Variants in ZNF440 observed in about 807,000 individuals in gnomAD.
ZNF440 encodes zinc finger protein 440.
Under a neutral mutation model 49.7 loss-of-function variants are expected in ZNF440, and 47 were observed. That is an observed-to-expected ratio of 0.95 (90% confidence interval 0.75 to 1.21). The LOEUF (loss-of-function observed/expected upper bound fraction) is 1.21, where lower values mean the gene tolerates loss of function less well. Among genes scored for constraint, ZNF440 ranks in the 50% most tolerant of loss-of-function variants. The pLI is 0.00. For missense variants in ZNF440, 703 were observed against 715.0 expected (o/e 0.98, Z 0.19); for synonymous variants, 255 against 237.7 (o/e 1.07, Z -0.67).
At chr19:11,823,695 G>A (rs536618438) in intron 1 of ZNF440, among the ~76,000 whole-genome samples, 3 of 152,238 alleles carry the variant, frequency 2.0e-5, no homozygotes, top group African/African-American at 7.2e-5. Flanking sequence ...TGGGCGTGGT[G>A]GCTCATGCCT....
At chr19:11,823,203 C>T (rs982570727) in intron 1 of ZNF440, among the ~76,000 whole-genome samples, 12 of 152,112 alleles carry the variant, frequency 7.9e-5, no homozygotes, top group African/African-American at 2.7e-4. Context: ...TGTGTCTTCT[C>T]ATAAGAGCAC....
At chr19:11,823,358 C>T (rs1369485556) in intron 1 of ZNF440, among the ~76,000 whole-genome samples, 1 of 151,728 alleles carries the variant, frequency 6.6e-6, no homozygotes, top group Non-Finnish European at 1.5e-5. Context: ...GCCGTAACAC[C>T]CCCCCAACCA....
chr19:11,833,832 AAGC>A lies in ZNF440; in HGVS notation c.*871_*873del. On this transcript the variant is annotated 3_prime_UTR_variant, in exon 4 of 4. Transcript: ENST00000304060. ...CACTGGAGAAAAACCCTATGAATGT[AAGC>A]AGTATGGGAAAGCGTTCAGACCTGA... The A allele has an allele frequency of 1.4e-6, 1 of 711,914 alleles. No individual in the cohort carries two copies. The highest frequency in any genetic ancestry group is 2.5e-5 in the South Asian group (1 of 40,804). The allele number at this position is 711,914 out of a possible 1,614,324, so 44.1% of individuals were successfully genotyped here.
intron 1 of ZNF440, among the ~76,000 whole-genome samples, chr19:11,820,409 G>A (rs1248524076): frequency 5.9e-5 from 9 of 151,996 alleles, no homozygotes; most frequent in Non-Finnish European, 1.3e-4. Flanking sequence ...TTGTAGAGAC[G>A]GGGTTTCACC....
At chr19:11,821,112 C>T (rs1349944130) in intron 1 of ZNF440, among the ~76,000 whole-genome samples, 1 of 152,190 alleles carries the variant, frequency 6.6e-6, no homozygotes, top group African/African-American at 2.4e-5. Flanking sequence ...TTGGTTGAGG[C>T]TCCCCTTTGG....
At chr19:11,818,402 C>T (rs1234721298) in intron 1 of ZNF440, among the ~76,000 whole-genome samples, 2 of 152,078 alleles carry the variant, frequency 1.3e-5, no homozygotes, top group Admixed American at 1.3e-4. Context: ...TCTTGTTAGT[C>T]TCAAGATGGA....
At chr19:11,830,833 G>C (rs939289021) in intron 3 of ZNF440, among the ~76,000 whole-genome samples, 156 bp downstream of exon 3, 2 of 152,176 alleles carry the variant, frequency 1.3e-5, no homozygotes, top group African/African-American at 2.4e-5. Flanking sequence ...ATGTGACCTA[G>C]GCTGTGGGCT....
At position 11,824,901 on chromosome 19, in the gene ZNF440, GTT is replaced by G. The variant is rs1338275286; in HGVS notation, c.4-5380_4-5379del. On this transcript the variant is annotated intron_variant, in intron 1 of 3. Coordinates refer to ENST00000304060, the MANE Select transcript of ZNF440 (RefSeq NM_152357.3). The stretch of plus-strand genomic sequence containing the variant: ...TTCTGTATTTTTTAGTAGAGAGAGG[GTT>G]TCACCATATTGACCAGGCTGGTCTC... Among the ~76,000 whole-genome samples the G allele has an allele frequency of 2.6e-5, 4 of 151,990 alleles. No homozygotes were observed. The East Asian group carries it at 7.7e-4, about 29-fold the overall frequency.
chr19:11,820,523 T>C (rs1975786790), intron 1 of ZNF440, among the ~76,000 whole-genome samples: 1 of 152,134 alleles, frequency 6.6e-6, no homozygotes, highest in Admixed American at 6.5e-5. Flanking sequence ...TGCCCGGCCC[T>C]ACACCCTCCT....
chr19:11,824,638 A>G (rs192113438), intron 1 of ZNF440, among the ~76,000 whole-genome samples: 1 of 152,020 alleles, frequency 6.6e-6, no homozygotes, highest in East Asian at 1.9e-4. Flanking sequence ...TGTTTCCCCA[A>G]AACATTGGGC....
At chr19:11,822,897 T>C (rs1475130229) in intron 1 of ZNF440, among the ~76,000 whole-genome samples, 1 of 150,924 alleles carries the variant, frequency 6.6e-6, no homozygotes, top group Non-Finnish European at 1.5e-5. Flanking sequence ...TTTCCATTGG[T>C]CTATCTTTGT....
At chr19:11,814,744 G>A (rs551112325) in intron 1 of ZNF440, among the ~76,000 whole-genome samples, 2 of 152,344 alleles carry the variant, frequency 1.3e-5, no homozygotes, top group East Asian at 3.9e-4. Flanking sequence ...TATGGGGTTT[G>A]TTAGAAACAA....
chr19:11,821,589 G>A (rs1010092444), intron 1 of ZNF440, among the ~76,000 whole-genome samples: 10 of 152,092 alleles, frequency 6.6e-5, no homozygotes, highest in African/African-American at 1.9e-4. Context: ...GGCACACAGG[G>A]GGGTATAGTG....
chr19:11,814,486 A>G, intron 1 of ZNF440, 36 bp downstream of exon 1: 2 of 1,501,496 alleles, frequency 1.3e-6, no homozygotes, highest in Non-Finnish European at 1.8e-6. Context: ...GGCGACTGGG[A>G]GAGGGGCTGG....
chr19:11,829,049 TA>T (rs997013937), intron 1 of ZNF440, among the ~76,000 whole-genome samples: 133 of 152,252 alleles, frequency 8.7e-4, no homozygotes, highest in African/African-American at 3.1e-3. Flanking sequence ...ATTTTGTTTT[TA>T]CATTCAGCCA....
intron 1 of ZNF440, among the ~76,000 whole-genome samples, chr19:11,828,742 T>A (rs543922482): frequency 2.0e-5 from 3 of 151,662 alleles, no homozygotes; most frequent in Admixed American, 1.3e-4. Context: ...TGGAGTGCAA[T>A]GGTGCAATCT....
rs1975976269 is a variant in ZNF440, at chr19:11,833,243, T to G, written c.*279T>G. ...ACACACTGGAGAGAAACCCTGTGAA[T>G]GTAAGAAATGTAGAAAAGCATTCCA... is the stretch of plus-strand genomic sequence containing the variant. On this transcript the variant is annotated 3_prime_UTR_variant, in exon 4 of 4. Transcript: ENST00000304060. 2 of 854,238 alleles carry G rather than the reference T, an allele frequency of 2.3e-6. No homozygotes were observed. Among genetic ancestry groups the G allele is most frequent in the Non-Finnish European group, 3.6e-6 (2 of 554,534 alleles). 52.9% of individuals were successfully genotyped at this position (854,238 alleles called of 1,614,324 possible).
intron 1 of ZNF440, among the ~76,000 whole-genome samples, chr19:11,826,408 G>C (rs1157182890): frequency 1.3e-5 from 2 of 152,092 alleles, no homozygotes; most frequent in East Asian, 1.9e-4. Flanking sequence ...GAGGACTTTC[G>C]TGTGGACATC....
At position 11,832,315 on chromosome 19, in the gene ZNF440, C is replaced by T. The variant is rs1200181389; in HGVS notation, c.1139C>T (p.Ser380Phe). ...CAGTGTGGTAAAGCCTTCCCTCATT[C>T]CAGTTCCCTTCGATATCATGAAAGG... ...CKQCGKAFPHSSSLRYHERTH... is the reference protein window; with the variant it reads ...CKQCGKAFPHFSSLRYHERTH... The change falls in exon 4 of 4, where the codon TCC (serine) becomes TTC (phenylalanine). Residue 380 changes from serine (S) to phenylalanine (F), a missense_variant. By Grantham distance (155) the Ser-to-Phe change is radical. Transcript: ENST00000304060. 3 of 1,613,990 alleles carry T rather than the reference C, an allele frequency of 1.9e-6. No homozygotes were observed. Among genetic ancestry groups the T allele is most frequent in the African/African-American group, 2.7e-5 (2 of 74,890 alleles).
Sources: allele counts gnomAD v4.1 joint callset (sites outside exome capture counted in the v4.1 genomes callset), GRCh38; gene constraint gnomAD v4.1.1; transcripts MANE v1.5; gene names NCBI Gene and HGNC (gene_info 2026-07-23, HGNC 2026-07-21).